Variants in GMDS observed in about 807,000 individuals in gnomAD.
The protein encoded by GMDS is GDP-mannose 4,6 dehydratase.
GMDS carries 20 observed loss-of-function variants against 49.9 expected under a neutral mutation model. That is an observed-to-expected ratio of 0.40 (90% CI 0.28 to 0.58). The LOEUF is 0.58. GMDS is among the 20% of genes least tolerant of loss of function. The pLI is 0.42. For missense variants in GMDS, 362 were observed against 481.4 expected (o/e 0.75, Z 2.32); for synonymous variants, 177 against 178.6 (o/e 0.99, Z 0.07).
intron 7 of GMDS, among the ~76,000 whole-genome samples, chr6:1,871,058 G>GCACACACACACACACA (rs3839602): frequency 2.0e-5 from 3 of 147,212 alleles, no homozygotes; most frequent in African/African-American, 7.4e-5. Flanking sequence ...CTATCCCCCA[G>GCACACACACACACACA]CACACACACA....
intron 9 of GMDS, among the ~76,000 whole-genome samples, chr6:1,713,337 G>T (rs959360412): frequency 6.6e-6 from 1 of 152,210 alleles, no homozygotes; most frequent in African/African-American, 2.4e-5. Flanking sequence ...AGAGTTGGTG[G>T]TTGCTCAGCA....
chr6:1,929,476 A>G (rs573407718), intron 7 of GMDS, among the ~76,000 whole-genome samples: 1 of 152,384 alleles, frequency 6.6e-6, no homozygotes, highest in South Asian at 2.1e-4. Flanking sequence ...TGCAAACCCA[A>G]AACAGCATGT....
intron 9 of GMDS, among the ~76,000 whole-genome samples, chr6:1,646,944 C>A (rs1231817369): frequency 6.6e-6 from 1 of 152,176 alleles, no homozygotes; most frequent in African/African-American, 2.4e-5. Context: ...CTCACTCAGT[C>A]TCTTACAAAA....
intron 4 of GMDS, among the ~76,000 whole-genome samples, chr6:2,080,124 C>T (rs1233297574): frequency 6.6e-6 from 1 of 152,062 alleles, no homozygotes. Context: ...TTTTTTATTT[C>T]ATTCAATGAA....
chr6:1,990,957 G>A (rs1355895794), intron 4 of GMDS, among the ~76,000 whole-genome samples: 1 of 152,132 alleles, frequency 6.6e-6, no homozygotes, highest in Non-Finnish European at 1.5e-5. Flanking sequence ...TTATCAACTT[G>A]TGGATGTTAA....
intron 7 of GMDS, among the ~76,000 whole-genome samples, chr6:1,875,409 C>G (rs960631948): frequency 1.3e-5 from 2 of 151,770 alleles, no homozygotes; most frequent in Non-Finnish European, 2.9e-5. Context: ...AAAAAAATTT[C>G]AAACATGTAT....
chr6:1,695,052 ATTTC>A (rs1429440851), intron 9 of GMDS, among the ~76,000 whole-genome samples: 1 of 144,400 alleles, frequency 6.9e-6, no homozygotes, highest in East Asian at 2.0e-4. Context: ...ACAGAGTCAT[ATTTC>A]TTTCTATGAG....
intron 4 of GMDS, among the ~76,000 whole-genome samples, chr6:2,058,385 A>C (rs1364340804): frequency 6.6e-6 from 1 of 151,608 alleles, no homozygotes; most frequent in Non-Finnish European, 1.5e-5. Context: ...CATTAGAAGG[A>C]GGAAAAATGT....
At chr6:1,831,791 G>C (rs1756657084) in intron 7 of GMDS, among the ~76,000 whole-genome samples, 2 of 151,980 alleles carry the variant, frequency 1.3e-5, no homozygotes, top group African/African-American at 4.8e-5. Context: ...TCAATCCCTG[G>C]TAGCCTAGTT....
intron 1 of GMDS, among the ~76,000 whole-genome samples, chr6:2,148,388 GTA>G (rs762252715): frequency 1.9e-4 from 29 of 152,090 alleles, no homozygotes; most frequent in South Asian, 4.2e-4. Context: ...CTCTGAGTTT[GTA>G]TTCACATCTA....
rs568860586 is a variant in GMDS, at chr6:2,022,593, C to T, written c.346-61627G>A. 2.6e-5 allele frequency among the ~76,000 whole-genome samples: 4 copies of T among 152,250 alleles called. No individual in the cohort carries two copies. In the South Asian group the frequency reaches 6.2e-4, roughly 24 times the overall value. ...GCACATTATGAAATAAAAAGCACCA[C>T]CACATTTAACAGTACAAAACTGAAC... On this transcript the variant is annotated intron_variant, in intron 4 of 10. Coordinates refer to ENST00000380815, the MANE Select transcript of GMDS (RefSeq NM_001500.4).
intron 7 of GMDS, among the ~76,000 whole-genome samples, chr6:1,926,364 C>T (rs1396497319): frequency 1.3e-5 from 2 of 152,156 alleles, no homozygotes; most frequent in Admixed American, 6.5e-5. Flanking sequence ...GGGTTGAGCC[C>T]CACAACCTGC....
intron 7 of GMDS, among the ~76,000 whole-genome samples, chr6:1,905,116 A>C (rs1325821049): frequency 6.6e-6 from 1 of 152,248 alleles, no homozygotes; most frequent in Admixed American, 6.5e-5. Flanking sequence ...TGCTCTGTGC[A>C]AGCTACTTAA....
At chr6:2,029,229 T>C (rs540078594) in intron 4 of GMDS, among the ~76,000 whole-genome samples, 9 of 152,114 alleles carry the variant, frequency 5.9e-5, no homozygotes, top group Non-Finnish European at 1.0e-4. Flanking sequence ...TCTGTGTGTG[T>C]CTGTCTCTCA....
chr6:2,135,451 G>C (rs1163374235), intron 1 of GMDS, among the ~76,000 whole-genome samples: 1 of 152,130 alleles, frequency 6.6e-6, no homozygotes, highest in Non-Finnish European at 1.5e-5. Flanking sequence ...GCAGATCATG[G>C]AGCAATCAAT....
At chr6:1,661,402 CATTA>C (rs911255884) in intron 9 of GMDS, among the ~76,000 whole-genome samples, 1 of 152,198 alleles carries the variant, frequency 6.6e-6, no homozygotes, top group Non-Finnish European at 1.5e-5. Flanking sequence ...TCACTACAAA[CATTA>C]ATTAATTAAT....
At chr6:1,910,333 T>A (rs1463056987) in intron 7 of GMDS, among the ~76,000 whole-genome samples, 2 of 150,882 alleles carry the variant, frequency 1.3e-5, no homozygotes, top group African/African-American at 4.9e-5. Flanking sequence ...AAGAAGATGA[T>A]ACTGGGCTTT....
chr6:2,000,008 A>C (rs1305838918), intron 4 of GMDS, among the ~76,000 whole-genome samples: 1 of 8,088 alleles, frequency 1.2e-4, no homozygotes, highest in South Asian at 8.1e-3. Flanking sequence ...ATATATATAT[A>C]TTTTTTATAT....
chr6:2,122,488 C>T (rs1434710086), intron 2 of GMDS, among the ~76,000 whole-genome samples: 6 of 152,168 alleles, frequency 3.9e-5, no homozygotes, highest in Non-Finnish European at 8.8e-5. Context: ...TCTACTAATC[C>T]TATTCTTTTA....
Sources: gnomAD v4.1 joint callset for allele counts (sites outside exome capture counted in the v4.1 genomes callset) on GRCh38, gnomAD v4.1.1 for gene constraint, MANE v1.5 for transcripts, NCBI Gene and HGNC (gene_info 2026-07-23, HGNC 2026-07-21) for gene names.